The following SH3RF1 variants were observed in gnomAD, a reference collection of about 807,000 sequenced individuals.
SH3RF1 encodes SH3 domain containing ring finger 1, also known as E3 ubiquitin-protein ligase SH3RF1.
Under a neutral mutation model 74.0 loss-of-function variants are expected in SH3RF1, and 32 were observed. The observed-to-expected ratio is 0.43, with a 90% CI of 0.33 to 0.58. The LOEUF (loss-of-function observed/expected upper bound fraction) is 0.58. Among genes scored for constraint, SH3RF1 ranks in the 20% least tolerant of loss-of-function variants. The pLI, the probability that SH3RF1 is intolerant of heterozygous loss-of-function variation, is 0.05. For synonymous variants in SH3RF1, 396 were observed against 439.6 expected (o/e 0.90, Z 1.24); for missense variants, 954 against 1,130.9 (o/e 0.84, Z 2.24).
intron 2 of SH3RF1, among the ~76,000 whole-genome samples, chr4:169,206,427 CT>C (rs1330749099): frequency 6.6e-6 from 1 of 152,172 alleles, no homozygotes; most frequent in African/African-American, 2.4e-5. Context: ...AATTCCAGTA[CT>C]TTGGGAAGCC....
chr4:169,146,232 C>CA lies in SH3RF1; in HGVS notation c.765+9247_765+9248insT, dbSNP rs1554005769. Reference sequence around the variant, plus strand: ...ATATATTATATGTTTTATATATATACTTTTTTTTTTTTTTTGAGACCAAGT... The same window carrying CA: ...ATATATTATATGTTTTATATATATACATTTTTTTTTTTTTTTGAGACCAAGT... On this transcript the variant is annotated intron_variant, in intron 4 of 11. Coordinates refer to ENST00000284637, the MANE Select transcript of SH3RF1 (RefSeq NM_020870.4). Among the ~76,000 whole-genome samples the CA allele has an allele frequency of 6.5e-3, 867 of 132,598 alleles. 20 individuals carry two copies. Among genetic ancestry groups the CA allele is most frequent in the Non-Finnish European group, 1.0e-2 (629 of 63,114 alleles). The allele number at this position is 132,598 out of a possible 152,430, so 87.0% of individuals were successfully genotyped here. A position where few individuals can be genotyped will look rare whatever the true frequency, so the allele number is the denominator to read the frequency against.
chr4:169,110,145 C>A (rs150446635), intron 10 of SH3RF1, among the ~76,000 whole-genome samples: 1 of 151,632 alleles, frequency 6.6e-6, no homozygotes, highest in Non-Finnish European at 1.5e-5. Flanking sequence ...GAGGCCAAGG[C>A]GGCAGGATTG....
At chr4:169,138,667 G>C (rs1733736805) in intron 4 of SH3RF1, among the ~76,000 whole-genome samples, 1 of 152,124 alleles carries the variant, frequency 6.6e-6, no homozygotes, top group African/African-American at 2.4e-5. Flanking sequence ...ATTAATTCTG[G>C]GGTCAAACAA....
intron 2 of SH3RF1, among the ~76,000 whole-genome samples, chr4:169,232,308 G>A (rs1445324116): frequency 1.3e-5 from 2 of 152,216 alleles, no homozygotes; most frequent in Non-Finnish European, 2.9e-5. Flanking sequence ...TGAAATGGAG[G>A]AAGCAGAAAC....
chr4:169,163,362 C>T (rs140159415), intron 2 of SH3RF1, among the ~76,000 whole-genome samples: 3 of 152,222 alleles, frequency 2.0e-5, no homozygotes, highest in Non-Finnish European at 2.9e-5. Context: ...ATTTGTCCCA[C>T]CTCCTGGATT....
At chr4:169,267,461 C>T (rs9997599) in intron 2 of SH3RF1, among the ~76,000 whole-genome samples, 5,514 of 152,166 alleles carry the variant, frequency 0.036, 151 homozygotes, top group South Asian at 0.086. Context: ...AAGTAAACTC[C>T]ATAAAATAAA....
rs562198923 is a variant in SH3RF1 at position 169,239,947 on chromosome 4, T to G, written c.393+28873A>C. On this transcript the variant is annotated intron_variant, in intron 2 of 11. Coordinates refer to ENST00000284637, the MANE Select transcript of SH3RF1 (RefSeq NM_020870.4). ...GCTGAGGCAGGAGAATCTCTTGAAC[T>G]CAGAAGTCAGAGGCTGCAGTGAGCC... Among the ~76,000 whole-genome samples, 43 of 152,014 alleles carry G rather than the reference T, an allele frequency of 2.8e-4. No individual in the cohort carries two copies. The East Asian group carries it at 6.6e-3, about 23-fold the overall frequency.
chr4:169,189,044 C>T, intron 2 of SH3RF1, among the ~76,000 whole-genome samples: 1 of 152,216 alleles, frequency 6.6e-6, no homozygotes. Context: ...ATTTAACTGT[C>T]TCATTCTTGT....
intron 2 of SH3RF1, among the ~76,000 whole-genome samples, chr4:169,267,924 A>G (rs893232846): frequency 6.6e-6 from 1 of 152,208 alleles, no homozygotes; most frequent in African/African-American, 2.4e-5. Context: ...TCTTCTTACA[A>G]AAATGAAGTT....
chr4:169,097,583 C>T (rs948333013), intron 11 of SH3RF1, among the ~76,000 whole-genome samples: 1 of 152,134 alleles, frequency 6.6e-6, no homozygotes, highest in Non-Finnish European at 1.5e-5. Context: ...ACTTGTTTTA[C>T]ACTCTATATC....
chr4:169,200,368 G>A (rs1734888492), intron 2 of SH3RF1, among the ~76,000 whole-genome samples: 1 of 152,082 alleles, frequency 6.6e-6, no homozygotes, highest in Non-Finnish European at 1.5e-5. Flanking sequence ...TATAGACCAT[G>A]CCCGTTAATC....
chr4:169,189,699 C>T (rs1203851807), intron 2 of SH3RF1, among the ~76,000 whole-genome samples: 1 of 152,174 alleles, frequency 6.6e-6, no homozygotes, highest in Non-Finnish European at 1.5e-5. Context: ...CTATTTCTGA[C>T]CCACTGCTGG....
intron 2 of SH3RF1, among the ~76,000 whole-genome samples, chr4:169,158,610 C>T (rs1162545399): frequency 6.6e-6 from 1 of 152,098 alleles, no homozygotes; most frequent in African/African-American, 2.4e-5. Flanking sequence ...GGAAAATGGA[C>T]GTGAAGTGGG....
intron 4 of SH3RF1, among the ~76,000 whole-genome samples, chr4:169,143,926 G>T (rs1733828037): frequency 6.6e-6 from 1 of 152,164 alleles, no homozygotes; most frequent in Admixed American, 6.5e-5. Context: ...AGCCTAAAAA[G>T]AATTTTAGCT....
intron 6 of SH3RF1, among the ~76,000 whole-genome samples, chr4:169,127,394 A>G (rs1733545522): frequency 6.6e-6 from 1 of 152,224 alleles, no homozygotes; most frequent in African/African-American, 2.4e-5. Context: ...TGCTGTTAAT[A>G]GTACTCACAG....
intron 2 of SH3RF1, among the ~76,000 whole-genome samples, chr4:169,178,039 G>C (rs1365973534): frequency 6.6e-6 from 1 of 151,938 alleles, no homozygotes; most frequent in Non-Finnish European, 1.5e-5. Context: ...TGAGGAGTTT[G>C]AGACGAGCCT....
At chr4:169,189,507 T>C (rs1734662539) in intron 2 of SH3RF1, among the ~76,000 whole-genome samples, 1 of 152,206 alleles carries the variant, frequency 6.6e-6, no homozygotes, top group South Asian at 2.1e-4. Context: ...AGAAAGCAGG[T>C]ACACTGTTGC....
intron 2 of SH3RF1, among the ~76,000 whole-genome samples, chr4:169,213,240 T>C (rs1730409700): frequency 6.6e-6 from 1 of 152,226 alleles, no homozygotes; most frequent in South Asian, 2.1e-4. Context: ...AATAGGTACC[T>C]GGTGGTAGCT....
At position 169,136,326 on chromosome 4, in the gene SH3RF1, G is replaced by C. The variant is rs1733698276; in HGVS notation, c.1060C>G (p.Pro354Ala). 1 of 1,431,828 alleles carries C rather than the reference G, an allele frequency of 7.0e-7. No individual in the cohort carries two copies. Among genetic ancestry groups the C allele is most frequent in the Non-Finnish European group, 9.2e-7 (1 of 1,087,066 alleles). The allele number at this position is 1,431,828 out of a possible 1,614,324, so 88.7% of individuals were successfully genotyped here. ...SELSGLSCSA[P>A]SQVHISTTGL... ...CTTGTTTGAGGATTTACCTGAGAAG[G>C]GGCACTGCAGGAGAGCCCAGACAGC... The change falls in exon 5 of 12, where the codon CCT (proline) becomes GCT (alanine). Residue 354 changes from proline (P) to alanine (A), a missense_variant. Transcript: ENST00000284637.
Sources: allele counts gnomAD v4.1 joint callset (sites outside exome capture counted in the v4.1 genomes callset), GRCh38; gene constraint gnomAD v4.1.1; transcripts MANE v1.5; gene names NCBI Gene and HGNC (gene_info 2026-07-23, HGNC 2026-07-21).